Variants in ARHGAP32 observed in about 807,000 individuals in gnomAD.
ARHGAP32 encodes Rho GTPase activating protein 32, also known as rho GTPase-activating protein 32.
ARHGAP32 carries 51 observed loss-of-function variants against 186.5 expected under a neutral mutation model. The observed-to-expected ratio is 0.27, with a 90% CI of 0.22 to 0.35. ARHGAP32 has a LOEUF of 0.35. ARHGAP32 is among the 10% of genes least tolerant of loss of function. ARHGAP32 has a pLI of 1.00. For missense variants in ARHGAP32, 2,186 were observed against 2,623.5 expected (o/e 0.83, Z 3.64); for synonymous variants, 950 against 964.3 (o/e 0.99, Z 0.27).
chr11:128,969,047 C>T lies in ARHGAP32; in HGVS notation c.6166G>A (p.Gly2056Arg). 3.1e-6 allele frequency: 5 copies of T among 1,612,404 alleles called. No individual in the cohort carries two copies. The highest frequency in any genetic ancestry group is 4.2e-6 in the Non-Finnish European group (5 of 1,178,812). ...GGCACATACGTCCCCATGCCGCCCC[C>T]TCCAAAGACTCCTCGCTGGTGCTGA... The part of the protein sequence containing the change: ...LPQHQRGVFG[G>R]GGMGTYVPPG... Residue 2056 changes from glycine (G) to arginine (R), a missense_variant, in exon 23 of 23, where the codon GGG becomes AGG. Physicochemically the swap from Gly to Arg is moderately radical, Grantham distance 125. Coordinates refer to ENST00000682385, the MANE Select transcript of ARHGAP32 (RefSeq NM_001378024.1). The surrounding 1 kb of genome is among the most constrained non-coding windows in gnomAD (Gnocchi z 4.8).
chr11:129,074,972 G>A (rs778403605), intron 6 of ARHGAP32, among the ~76,000 whole-genome samples: 2 of 151,952 alleles, frequency 1.3e-5, no homozygotes, highest in South Asian at 2.1e-4. Context: ...ATCGCACAAC[G>A]CATACACATA....
chr11:129,053,936 T>C (rs1161294230), intron 10 of ARHGAP32, among the ~76,000 whole-genome samples: 1 of 152,032 alleles, frequency 6.6e-6, no homozygotes, highest in Non-Finnish European at 1.5e-5. Flanking sequence ...AGTTTTTACA[T>C]AAATAAGCAG....
At chr11:129,278,752 G>A (rs1945568201) in intron 1 of ARHGAP32, among the ~76,000 whole-genome samples, 1 of 151,716 alleles carries the variant, frequency 6.6e-6, no homozygotes, top group Non-Finnish European at 1.5e-5. Flanking sequence ...GCAGCGGAGG[G>A]AAACGCTCCC....
chr11:129,120,579 T>C (rs893136486), intron 5 of ARHGAP32, among the ~76,000 whole-genome samples: 6 of 152,112 alleles, frequency 3.9e-5, no homozygotes, highest in Non-Finnish European at 7.4e-5. Flanking sequence ...ATTTCTAACA[T>C]ATAGGATTAA....
At chr11:129,172,203 A>G (rs770955467) in intron 1 of ARHGAP32, among the ~76,000 whole-genome samples, 3 of 152,114 alleles carry the variant, frequency 2.0e-5, no homozygotes, top group Non-Finnish European at 4.4e-5. Flanking sequence ...TTCCAATACT[A>G]TGTTGAATAG....
At chr11:129,014,917 T>C (rs1477811281) in intron 11 of ARHGAP32, among the ~76,000 whole-genome samples, 2 of 152,164 alleles carry the variant, frequency 1.3e-5, no homozygotes, top group South Asian at 2.1e-4. Context: ...AAGTACTTTA[T>C]GTTAAACAGA....
chr11:129,172,322 T>G (rs1022114762), intron 1 of ARHGAP32, among the ~76,000 whole-genome samples: 1 of 152,206 alleles, frequency 6.6e-6, no homozygotes, highest in African/African-American at 2.4e-5. Flanking sequence ...AAATAGCTCT[T>G]ATTGTTTTGA....
chr11:129,234,432 C>T (rs1174358509), intron 1 of ARHGAP32, among the ~76,000 whole-genome samples: 3 of 151,676 alleles, frequency 2.0e-5, no homozygotes, highest in Non-Finnish European at 1.5e-5. Context: ...AATATATATC[C>T]TAAGGAAATA....
intron 10 of ARHGAP32, among the ~76,000 whole-genome samples, chr11:129,057,194 C>G (rs955435338): frequency 6.6e-5 from 10 of 152,154 alleles, no homozygotes; most frequent in African/African-American, 2.2e-4. Context: ...ATATGCAACA[C>G]TGTGCTCCAG....
intron 5 of ARHGAP32, among the ~76,000 whole-genome samples, chr11:129,105,836 A>AT (rs1201576571): frequency 6.6e-6 from 1 of 152,208 alleles, no homozygotes; most frequent in East Asian, 1.9e-4. Context: ...TAGACACTAA[A>AT]TAAACTGTAT....
intron 2 of ARHGAP32, among the ~76,000 whole-genome samples, chr11:129,129,227 C>T (rs112256790): frequency 0.15 from 21,081 of 140,764 alleles, 1,925 homozygotes; most frequent in African/African-American, 0.25. Context: ...GCCCCTCCAC[C>T]CGGCAGCTGC....
intron 1 of ARHGAP32, among the ~76,000 whole-genome samples, chr11:129,167,107 G>T (rs1943656051): frequency 6.6e-6 from 1 of 152,044 alleles, no homozygotes; most frequent in Non-Finnish European, 1.5e-5. Flanking sequence ...ATTAATCTAA[G>T]AGAAGGCAGG....
At chr11:129,010,510 T>C (rs1310865233) in intron 11 of ARHGAP32, among the ~76,000 whole-genome samples, 1 of 152,196 alleles carries the variant, frequency 6.6e-6, no homozygotes, top group Non-Finnish European at 1.5e-5. Flanking sequence ...TTTCTGCGTA[T>C]GGCTAGCCAG....
At chr11:129,232,226 G>A (rs771188946) in intron 1 of ARHGAP32, among the ~76,000 whole-genome samples, 5 of 151,982 alleles carry the variant, frequency 3.3e-5, no homozygotes, top group Admixed American at 6.6e-5. Context: ...GATTATCTAC[G>A]TATCAGTTAG....
intron 6 of ARHGAP32, among the ~76,000 whole-genome samples, chr11:129,088,852 A>G (rs693581): frequency 0.28 from 42,667 of 151,922 alleles, 6,180 homozygotes; most frequent in African/African-American, 0.35. Flanking sequence ...CAGCCTGGGC[A>G]ACACAGCAAA....
At chr11:129,235,945 A>ACT (rs1944926093) in intron 1 of ARHGAP32, among the ~76,000 whole-genome samples, 2 of 148,912 alleles carry the variant, frequency 1.3e-5, no homozygotes, top group African/African-American at 2.5e-5. Context: ...ACACACTCAC[A>ACT]CACATTTTCT....
chr11:129,092,110 A>G (rs562717513), intron 6 of ARHGAP32, among the ~76,000 whole-genome samples: 1 of 152,034 alleles, frequency 6.6e-6, no homozygotes, highest in Non-Finnish European at 1.5e-5. Context: ...GAAACGAACT[A>G]TCTATCTAGG....
intron 1 of ARHGAP32, among the ~76,000 whole-genome samples, chr11:129,211,624 C>T (rs1415681133): frequency 6.6e-6 from 1 of 152,096 alleles, no homozygotes; most frequent in East Asian, 1.9e-4. Context: ...CAGGCATCAC[C>T]CACCCACTTG....
Position 128,974,579 on chromosome 11 carries a change from T to TGAGTCCATTCAGAAGGACTCAGAA in ARHGAP32, c.2617_2618insTTCTGAGTCCTTCTGAATGGACTC (p.Leu872_Gln873insLeuLeuSerProSerGluTrpThr). On this transcript the variant is annotated inframe_insertion, in exon 21 of 23. Coordinates refer to ENST00000682385, the MANE Select transcript of ARHGAP32 (RefSeq NM_001378024.1). ...GGTAAAGAATGGACTCAGTTTCTCC[T>TGAGTCCATTCAGAAGGACTCAGAA]GAAGAGGAGAGACAGGTTCAGAGCT... The TGAGTCCATTCAGAAGGACTCAGAA allele has an allele frequency of 6.2e-7, 1 of 1,614,162 alleles. No homozygotes were observed. The highest frequency in any genetic ancestry group is 8.5e-7 in the Non-Finnish European group (1 of 1,179,996).
Sources: gnomAD v4.1 joint callset for allele counts (sites outside exome capture counted in the v4.1 genomes callset) on GRCh38, gnomAD v4.1.1 for gene constraint, Gnocchi (gnomAD v3.1) non-coding constraint, MANE v1.5 for transcripts, NCBI Gene and HGNC (gene_info 2026-07-23, HGNC 2026-07-21) for gene names.